Variants in PTPRA observed in about 807,000 individuals in gnomAD.
PTPRA encodes the protein protein tyrosine phosphatase receptor type A, also known as receptor-type tyrosine-protein phosphatase alpha.
PTPRA carries 25 observed loss-of-function variants against 104.8 expected under a neutral mutation model. That is an observed-to-expected ratio of 0.24 (90% CI 0.17 to 0.33). The LOEUF is 0.33. PTPRA is among the 10% of genes least tolerant of loss of function. The pLI is 1.00. For missense variants in PTPRA, 765 were observed against 1,015.3 expected (o/e 0.75, Z 3.35); for synonymous variants, 323 against 368.9 (o/e 0.88, Z 1.43).
intron 3 of PTPRA, among the ~76,000 whole-genome samples, chr20:2,959,152 G>A (rs1053199370): frequency 2.0e-5 from 3 of 152,166 alleles, no homozygotes; most frequent in Non-Finnish European, 4.4e-5. Context: ...TAGTGACATG[G>A]ATCTTCTTAA....
chr20:2,976,366 G>A (rs2062432200), intron 6 of PTPRA, among the ~76,000 whole-genome samples: 2 of 152,192 alleles, frequency 1.3e-5, no homozygotes, highest in Admixed American at 1.3e-4. Flanking sequence ...TAGGCTTCAA[G>A]ATGAAACATA....
intron 1 of PTPRA, among the ~76,000 whole-genome samples, chr20:2,915,697 A>G (rs143815094): frequency 4.6e-5 from 7 of 152,286 alleles, no homozygotes; most frequent in Admixed American, 1.3e-4. Context: ...TAAGAATTTT[A>G]TAGTTTTAGA....
At chr20:2,868,310 CTTTT>C in the PTPRA span, among the ~76,000 whole-genome samples, 8 of 104,154 alleles carry the variant, frequency 7.7e-5, no homozygotes, top group Admixed American at 9.4e-4. Flanking sequence ...GACTCCACCT[CTTTT>C]TTTTTTTTTT....
chr20:2,959,670 C>T (rs1158645434), intron 3 of PTPRA, among the ~76,000 whole-genome samples: 1 of 151,928 alleles, frequency 6.6e-6, no homozygotes, highest in African/African-American at 2.4e-5. Context: ...TGGAGAGTTC[C>T]GGCCAGGCGC....
At chr20:3,007,838 GTATA>G (rs1440497415) in intron 11 of PTPRA, among the ~76,000 whole-genome samples, 2 of 98,552 alleles carry the variant, frequency 2.0e-5, no homozygotes, top group Non-Finnish European at 4.3e-5. Context: ...CTGTGTGTGT[GTATA>G]TATATATATA....
At chr20:2,977,730 A>G (rs552884801) in intron 6 of PTPRA, among the ~76,000 whole-genome samples, 1 of 151,244 alleles carries the variant, frequency 6.6e-6, no homozygotes, top group East Asian at 1.9e-4. Flanking sequence ...TACATTCGGC[A>G]TTTATTCAGT....
At chr20:2,899,936 A>G (rs2059163260) in intron 1 of PTPRA, among the ~76,000 whole-genome samples, 1 of 152,070 alleles carries the variant, frequency 6.6e-6, no homozygotes, top group South Asian at 2.1e-4. Flanking sequence ...ATGAAACCCC[A>G]TCTCTACTAA....
chr20:2,864,371 C>A, the PTPRA span: 1 of 1,614,146 alleles, frequency 6.2e-7, no homozygotes, highest in Non-Finnish European at 8.5e-7. This position sits in a 1 kb window ranked among gnomAD's most constrained non-coding sequence, Gnocchi z 5.2. Context: ...GCAGTGTTCA[C>A]GGTGTTGCTG....
chr20:2,886,524 A>G (rs1269321807), intron 1 of PTPRA, among the ~76,000 whole-genome samples: 1 of 152,124 alleles, frequency 6.6e-6, no homozygotes, highest in Non-Finnish European at 1.5e-5. Context: ...GAAGAGTTTT[A>G]GTGGATTTCA....
chr20:2,907,353 G>C (rs1045404499), intron 1 of PTPRA, among the ~76,000 whole-genome samples: 3 of 151,696 alleles, frequency 2.0e-5, no homozygotes, highest in African/African-American at 7.3e-5. Flanking sequence ...CAGCTCAGCC[G>C]TCAAACTGCT....
chr20:2,904,268 AAAT>A (rs2059336854), intron 1 of PTPRA, among the ~76,000 whole-genome samples: 1 of 152,162 alleles, frequency 6.6e-6, no homozygotes, highest in South Asian at 2.1e-4. Context: ...AGAATTTTTA[AAAT>A]TTTTAAATGA....
At chr20:3,015,351 G>A (rs2064386230) in intron 11 of PTPRA, among the ~76,000 whole-genome samples, 1 of 141,186 alleles carries the variant, frequency 7.1e-6, no homozygotes, top group African/African-American at 2.7e-5. Flanking sequence ...CACCAAGGCT[G>A]GAGTGCAGTG....
At chr20:2,909,411 C>T (rs1600096368) in intron 1 of PTPRA, among the ~76,000 whole-genome samples, 1 of 151,992 alleles carries the variant, frequency 6.6e-6, no homozygotes, top group Non-Finnish European at 1.5e-5. Flanking sequence ...GGCGAAACCA[C>T]GTCTCTACTA....
At chr20:2,865,632 T>TAC in the PTPRA span, 1 of 789,626 alleles carries the variant, frequency 1.3e-6, no homozygotes, top group Non-Finnish European at 2.0e-6. This position sits in a 1 kb window ranked among gnomAD's most constrained non-coding sequence, Gnocchi z 5.2. Flanking sequence ...GCTTCCTGTA[T>TAC]ACACATTTGT....
chr20:2,931,825 C>T (rs1036531820), intron 2 of PTPRA, among the ~76,000 whole-genome samples: 2 of 152,014 alleles, frequency 1.3e-5, no homozygotes, highest in Non-Finnish European at 2.9e-5. Context: ...TCAAACGAAC[C>T]TCCTCCCTCA....
intron 6 of PTPRA, among the ~76,000 whole-genome samples, chr20:2,977,870 T>G (rs1187121740): frequency 2.0e-5 from 3 of 152,072 alleles, no homozygotes; most frequent in Non-Finnish European, 4.4e-5. Flanking sequence ...CGAAGTCTAC[T>G]CAGTTACATG....
intron 20 of PTPRA, among the ~76,000 whole-genome samples, chr20:3,028,743 T>C (rs2065268761): frequency 6.6e-6 from 1 of 152,190 alleles, no homozygotes; most frequent in African/African-American, 2.4e-5. Flanking sequence ...GAAAATTCCT[T>C]CTAAGCCACA....
intron 1 of PTPRA, among the ~76,000 whole-genome samples, chr20:2,886,805 G>A (rs1387281931): frequency 6.7e-6 from 1 of 149,610 alleles, no homozygotes; most frequent in Non-Finnish European, 1.5e-5. Context: ...GCCCTGAGCC[G>A]AGATCGCACC....
intron 2 of PTPRA, among the ~76,000 whole-genome samples, chr20:2,929,038 C>T (rs2060412755): frequency 6.6e-6 from 1 of 151,914 alleles, no homozygotes; most frequent in African/African-American, 2.4e-5. Context: ...ACTGTGTTGC[C>T]CTGGCTGGTC....
Sources: gnomAD v4.1 joint callset for allele counts (sites outside exome capture counted in the v4.1 genomes callset) on GRCh38, gnomAD v4.1.1 for gene constraint, Gnocchi (gnomAD v3.1) non-coding constraint, MANE v1.5 for transcripts, NCBI Gene and HGNC (gene_info 2026-07-23, HGNC 2026-07-21) for gene names.